WWOX: variants seen among roughly 807,000 people sequenced by gnomAD.
WWOX encodes WW domain-containing oxidoreductase.
Under a neutral mutation model 46.2 loss-of-function variants are expected in WWOX, and 69 were observed. The ratio of observed to expected loss-of-function variants is 1.49; its 90% confidence interval spans 1.23 to 1.82. WWOX has a LOEUF of 1.82. Among genes scored for constraint, WWOX ranks in the 40% most tolerant of loss-of-function variants. The pLI is 0.00. For synonymous variants in WWOX, 359 were observed against 202.6 expected (o/e 1.77, Z -6.56); for missense variants, 919 against 542.6 (o/e 1.69, Z -6.89).
chr16:78,757,104 T>C (rs1385712543), intron 8 of WWOX: 33 of 692,674 alleles, frequency 4.8e-5, no homozygotes, highest in African/African-American at 5.3e-5. Context: ...ACTGGAACTT[T>C]ATTTGAGCCC....
At chr16:78,643,411 G>A (rs1010099364) in intron 8 of WWOX, among the ~76,000 whole-genome samples, 4 of 152,216 alleles carry the variant, frequency 2.6e-5, no homozygotes, top group South Asian at 2.1e-4. Context: ...GGACAGTGCC[G>A]GGGCTTGAAC....
chr16:79,172,329 G>A (rs143972099), intron 8 of WWOX, among the ~76,000 whole-genome samples: 22 of 152,256 alleles, frequency 1.4e-4, no homozygotes, highest in Non-Finnish European at 2.1e-4. Flanking sequence ...CAGGAAGCGC[G>A]GACTTCAGAT....
intron 8 of WWOX, among the ~76,000 whole-genome samples, chr16:79,138,700 C>T (rs575706108): frequency 9.8e-5 from 15 of 152,312 alleles, no homozygotes; most frequent in African/African-American, 3.4e-4. Flanking sequence ...CACTTGCTTG[C>T]ACACACTTGT....
At chr16:78,277,203 AAAG>A (rs1313781389) in intron 5 of WWOX, among the ~76,000 whole-genome samples, 11 of 152,174 alleles carry the variant, frequency 7.2e-5, no homozygotes, top group African/African-American at 2.7e-4. Flanking sequence ...GGGAGGAAAA[AAAG>A]GGGGATGGCA....
chr16:78,394,691 G>T (rs1445307004), intron 6 of WWOX, among the ~76,000 whole-genome samples: 2 of 152,188 alleles, frequency 1.3e-5, no homozygotes, highest in African/African-American at 4.8e-5. Context: ...GCAACTGCTT[G>T]CTTTTGCCGT....
intron 8 of WWOX, among the ~76,000 whole-genome samples, chr16:78,826,602 A>G (rs757916692): frequency 7.2e-5 from 11 of 152,168 alleles, no homozygotes; most frequent in Non-Finnish European, 1.5e-4. Context: ...TCTGCTATGA[A>G]GACACTTGTT....
intron 8 of WWOX, among the ~76,000 whole-genome samples, chr16:78,653,715 C>T (rs545661340): frequency 6.6e-6 from 1 of 152,206 alleles, no homozygotes; most frequent in Non-Finnish European, 1.5e-5. Context: ...GCCACTGATT[C>T]AGCTGTCCTA....
intron 8 of WWOX, among the ~76,000 whole-genome samples, chr16:79,035,983 T>C (rs2047858515): frequency 6.6e-6 from 1 of 152,210 alleles, no homozygotes; most frequent in African/African-American, 2.4e-5. Flanking sequence ...CCCTTGGCTT[T>C]TTGCTTGGCT....
chr16:79,114,302 G>A (rs2049470268), intron 8 of WWOX, among the ~76,000 whole-genome samples: 1 of 152,030 alleles, frequency 6.6e-6, no homozygotes, highest in Non-Finnish European at 1.5e-5. Flanking sequence ...GCTGGATTAA[G>A]ATGGAGCCTC....
At chr16:78,494,743 A>G (rs769504188) in intron 8 of WWOX, among the ~76,000 whole-genome samples, 1 of 152,182 alleles carries the variant, frequency 6.6e-6, no homozygotes, top group Admixed American at 6.5e-5. Flanking sequence ...GAGTCAGCAC[A>G]TTGAGCGTTT....
chr16:79,176,533 T>G (rs914255165), intron 8 of WWOX, among the ~76,000 whole-genome samples: 1 of 152,206 alleles, frequency 6.6e-6, no homozygotes, highest in Non-Finnish European at 1.5e-5. Flanking sequence ...GCATCTGCAG[T>G]CTCTGGTATA....
At chr16:78,572,410 C>T (rs1295638141) in intron 8 of WWOX, among the ~76,000 whole-genome samples, 1 of 151,932 alleles carries the variant, frequency 6.6e-6, no homozygotes, top group Admixed American at 6.6e-5. Flanking sequence ...ACCCGGGCAA[C>T]ATACTGAGAC....
chr16:78,137,253 C>T (rs2033827557), intron 4 of WWOX, among the ~76,000 whole-genome samples: 1 of 152,180 alleles, frequency 6.6e-6, no homozygotes, highest in African/African-American at 2.4e-5. Context: ...TGTGTCCACC[C>T]CCTAGTTTTC....
chr16:78,482,331 C>G (rs969805841), intron 8 of WWOX, among the ~76,000 whole-genome samples: 1 of 152,098 alleles, frequency 6.6e-6, no homozygotes, highest in East Asian at 1.9e-4. Flanking sequence ...TGTCGATTCT[C>G]CTTCCTCGGC....
chr16:78,320,219 A>G (rs2080438847), intron 5 of WWOX, among the ~76,000 whole-genome samples: 2 of 152,220 alleles, frequency 1.3e-5, no homozygotes, highest in Admixed American at 1.3e-4. Context: ...TATTCAAGGT[A>G]CAGAACTGAA....
chr16:79,011,688 T>C (rs551451553), intron 8 of WWOX, among the ~76,000 whole-genome samples: 8 of 151,930 alleles, frequency 5.3e-5, no homozygotes, highest in Non-Finnish European at 1.2e-4. Context: ...AGATGAGTTT[T>C]TGCCGTGTTG....
chr16:78,340,202 T>G lies in WWOX; in HGVS notation c.517-46658T>G, dbSNP rs568296496. The stretch of plus-strand genomic sequence containing the variant: ...TTGGTAATTGTGTTTGATGATAGTC[T>G]TTTTTTTTTTTTGAGATGGAGTCTT... On this transcript the variant is annotated intron_variant, in intron 5 of 8. Transcript: ENST00000566780. Among the ~76,000 whole-genome samples, 23 of 70,174 alleles carry G rather than the reference T, an allele frequency of 3.3e-4. 8 individuals carry two copies. The highest frequency in any genetic ancestry group is 1.0e-3 in the African/African-American group (23 of 22,710). 46.0% of individuals were successfully genotyped at this position (70,174 alleles called of 152,430 possible).
Position 79,047,901 on chromosome 16 carries a change from T to C in WWOX, c.1057-163707T>C, listed in dbSNP as rs182593962. Among the ~76,000 whole-genome samples the C allele has an allele frequency of 5.9e-3, 893 of 152,146 alleles. 8 individuals are homozygous for C. Among genetic ancestry groups the C allele is most frequent in the African/African-American group, 0.02 (834 of 41,500 alleles). ...TTGATTCAGATTCACAGACTCTGCA[T>C]TTTGAACCAGAATACACCCGAGCAA... On this transcript the variant is annotated intron_variant, in intron 8 of 8. Transcript: ENST00000566780.
At chr16:78,317,728 A>C (rs7193133) in intron 5 of WWOX, among the ~76,000 whole-genome samples, 12 of 152,032 alleles carry the variant, frequency 7.9e-5, no homozygotes, top group African/African-American at 2.9e-4. Context: ...GTGCCTCCCC[A>C]TGGGCCCCCT....
Sources: allele counts gnomAD v4.1 joint callset (sites outside exome capture counted in the v4.1 genomes callset), GRCh38; gene constraint gnomAD v4.1.1; transcripts MANE v1.5; gene names NCBI Gene and HGNC (gene_info 2026-07-23, HGNC 2026-07-21).